The following LARP1B variants were observed in gnomAD, a reference collection of about 807,000 sequenced individuals.
LARP1B encodes La ribonucleoprotein 1B.
In LARP1B, 76 loss-of-function variants were observed where a neutral mutation model predicts 114.2. That is an observed-to-expected ratio of 0.67 (90% confidence interval 0.55 to 0.81). The LOEUF is 0.81. Ranked by LOEUF, LARP1B falls within the 30% of genes least tolerant of loss-of-function variation. The pLI, the probability that LARP1B is intolerant of heterozygous loss-of-function variation, is 0.00. For missense variants in LARP1B, 1,014 were observed against 1,075.8 expected, an observed-to-expected ratio of 0.94 and a Z score of 0.80; for synonymous variants, 345 against 348.0, an observed-to-expected ratio of 0.99 and a Z score of 0.10.
chr4:128,082,523 G>C (rs901407218), intron 5 of LARP1B, among the ~76,000 whole-genome samples: 1 of 152,114 alleles, frequency 6.6e-6, no homozygotes, highest in Non-Finnish European at 1.5e-5. Context: ...TTGTCCACAG[G>C]CAGATTTTTC....
rs75477463 is a variant in LARP1B, at chr4:128,147,863, G to A, written c.1525-14331G>A. On this transcript the variant is annotated intron_variant, in intron 11 of 19. Coordinates refer to ENST00000326639, the MANE Select transcript of LARP1B (RefSeq NM_018078.4). ...ATAGAATACAGTAATATGTAAGCAC[G>A]AATGTGTTTATTAATAGCCTGTTGA... Among the ~76,000 whole-genome samples the A allele has an allele frequency of 5.3e-3, 809 of 152,156 alleles. 8 individuals carry two copies. Among genetic ancestry groups the A allele is most frequent in the African/African-American group, 0.018 (767 of 41,506 alleles).
downstream of LARP1B, among the ~76,000 whole-genome samples, chr4:128,212,523 T>G (rs571223997): frequency 6.8e-4 from 104 of 152,184 alleles, no homozygotes; most frequent in Non-Finnish European, 1.2e-3. Context: ...GGTGCATGTC[T>G]GTAATCTCAG....
At chr4:128,172,633 C>T (rs756117905) in intron 12 of LARP1B, among the ~76,000 whole-genome samples, 5 of 151,636 alleles carry the variant, frequency 3.3e-5, no homozygotes, top group African/African-American at 4.8e-5. Context: ...GTAGAGGTTG[C>T]GGTGAGCCAA....
intron 5 of LARP1B, among the ~76,000 whole-genome samples, chr4:128,084,423 G>A (rs1379401950): frequency 6.6e-6 from 1 of 152,258 alleles, no homozygotes; most frequent in Non-Finnish European, 1.5e-5. Context: ...AGGAGCTGGA[G>A]ACCAGCCCGG....
chr4:128,088,446 T>A (rs1228892517), intron 5 of LARP1B, among the ~76,000 whole-genome samples: 2 of 152,168 alleles, frequency 1.3e-5, no homozygotes, highest in Admixed American at 1.3e-4. Context: ...TAATGCATGT[T>A]GGTTGTATTA....
chr4:128,121,304 GTCTA>G (rs913410137), intron 10 of LARP1B, among the ~76,000 whole-genome samples: 46 of 152,190 alleles, frequency 3.0e-4, no homozygotes, highest in African/African-American at 9.6e-4. Context: ...CTATCTATCT[GTCTA>G]TCTATCTATC....
chr4:128,082,918 C>A (rs989408569), intron 5 of LARP1B, among the ~76,000 whole-genome samples: 10 of 150,520 alleles, frequency 6.6e-5, no homozygotes, highest in African/African-American at 2.4e-4. Flanking sequence ...GGCAGATAAA[C>A]AAGTGAACAA....
At chr4:128,124,689 C>G (rs1788999982) in intron 11 of LARP1B, among the ~76,000 whole-genome samples, 1 of 152,078 alleles carries the variant, frequency 6.6e-6, no homozygotes, top group Non-Finnish European at 1.5e-5. Flanking sequence ...AGAAGAAATC[C>G]AGTTAACAGG....
chr4:128,107,551 A>C, intron 9 of LARP1B: 1 of 1,372,666 alleles, frequency 7.3e-7, no homozygotes, highest in Non-Finnish European at 9.5e-7. Context: ...TTATATGTGT[A>C]CTTTGTCATG....
chr4:128,094,437 G>T (rs1268795917), intron 7 of LARP1B, among the ~76,000 whole-genome samples: 6 of 122,802 alleles, frequency 4.9e-5, no homozygotes, highest in Admixed American at 1.1e-4. Flanking sequence ...GTCTCACTCT[G>T]TCGCCCAGGA....
At chr4:128,177,364 A>G (rs1249936220) in intron 13 of LARP1B, among the ~76,000 whole-genome samples, 1 of 152,040 alleles carries the variant, frequency 6.6e-6, no homozygotes, top group African/African-American at 2.4e-5. Flanking sequence ...AAAAGTTGTT[A>G]TATGAATCAA....
In LARP1B at chr4:128,200,041, G is replaced by A. The variant is rs980738701; in HGVS notation, c.2164+442G>A. Among the ~76,000 whole-genome samples, 12 of 152,268 alleles carry A rather than the reference G, an allele frequency of 7.9e-5. No individual in the cohort carries two copies. The South Asian group carries it at 1.7e-3, about 21-fold the overall frequency. The stretch of plus-strand genomic sequence containing the variant: ...GCAGAGGTTGCAGTGAGCCAAAATC[G>A]TGCCATTGCACTCCAGCCTGGGCAA... On this transcript the variant is annotated intron_variant, in intron 16 of 19. Transcript: ENST00000326639.
chr4:128,210,021 A>G lies in LARP1B; in HGVS notation c.2713A>G (p.Ile905Val). 1 of 1,614,082 alleles carries G rather than the reference A, an allele frequency of 6.2e-7. No individual in the cohort carries two copies. Among genetic ancestry groups the G allele is most frequent in the East Asian group, 2.2e-5 (1 of 44,874 alleles). The part of the protein sequence containing the change: ...QVPINSPRRN[I>V]SPESSDNSH Reference sequence around the variant, plus strand: ...ACCAATAAACTCTCCCAGAAGGAATATTTCACCGGAGTCCAGTGACAATTC... The same window carrying G: ...ACCAATAAACTCTCCCAGAAGGAATGTTTCACCGGAGTCCAGTGACAATTC... The change falls in exon 20 of 20, where the codon ATT becomes GTT. Residue 905 changes from isoleucine (I) to valine (V), a missense_variant. Physicochemically the swap from Ile to Val is conservative, Grantham distance 29 (BLOSUM62 3). Transcript: ENST00000326639.
chr4:128,165,506 G>C (rs138002980), intron 12 of LARP1B, among the ~76,000 whole-genome samples: 401 of 152,200 alleles, frequency 2.6e-3, no homozygotes, highest in Non-Finnish European at 5.1e-3. Flanking sequence ...CATATGGAAA[G>C]ATTGGAAGGT....
intron 11 of LARP1B, chr4:128,123,206 G>GC: frequency 2.0e-6 from 2 of 985,368 alleles, no homozygotes; most frequent in South Asian, 9.4e-5. Flanking sequence ...TGTAACCACT[G>GC]CCTTCTTGGA....
At chr4:128,155,663 T>G (rs10026899) in intron 11 of LARP1B, 567,359 of 1,569,652 alleles carry the variant, frequency 0.36, 107,834 homozygotes, top group African/African-American at 0.62. Flanking sequence ...CCTCCAGTGG[T>G]GTGTCCAAGG....
rs1171199303 is a variant in LARP1B at position 128,210,282 on chromosome 4, G to C, written c.*229G>C. 3 of 1,354,626 alleles carry C rather than the reference G, an allele frequency of 2.2e-6. No homozygotes were observed. Among genetic ancestry groups the C allele is most frequent in the Non-Finnish European group, 2.8e-6 (3 of 1,053,972 alleles). 83.9% of individuals were successfully genotyped at this position (1,354,626 alleles called of 1,614,324 possible). On this transcript the variant is annotated 3_prime_UTR_variant, in exon 20 of 20. Transcript: ENST00000326639. ...TGTTTTCCCTGATTTCACAAACAAGGATAGTCTTGGTGACCTTTTATAGAG... is the reference window on the plus strand; with the variant it reads ...TGTTTTCCCTGATTTCACAAACAAGCATAGTCTTGGTGACCTTTTATAGAG...
chr4:128,111,063 A>T (rs978172199), intron 9 of LARP1B, among the ~76,000 whole-genome samples: 38 of 141,986 alleles, frequency 2.7e-4, no homozygotes, highest in Non-Finnish European at 4.8e-4. Context: ...TTTTTTTTTT[A>T]AGAGATGGTG....
chr4:128,132,151 C>T (rs184399555), intron 11 of LARP1B, among the ~76,000 whole-genome samples: 4 of 152,230 alleles, frequency 2.6e-5, no homozygotes, highest in Admixed American at 6.5e-5. Context: ...GAACAGAACT[C>T]AGATTTTTAT....
Sources: gnomAD v4.1 joint callset for allele counts (sites outside exome capture counted in the v4.1 genomes callset) on GRCh38, gnomAD v4.1.1 for gene constraint, MANE v1.5 for transcripts, NCBI Gene and HGNC (gene_info 2026-07-23, HGNC 2026-07-21) for gene names.